The following CEP128 variants were observed in gnomAD, a reference collection of about 807,000 sequenced individuals.
CEP128 encodes centrosomal protein 128, also known as centrosomal protein 128kDa.
In CEP128, 132 loss-of-function variants were observed where a neutral mutation model predicts 156.7. The ratio of observed to expected loss-of-function variants is 0.84; its 90% CI spans 0.73 to 0.97. The LOEUF is 0.97. Ranked by LOEUF, CEP128 falls within the 50% of genes least tolerant of loss-of-function variation. The pLI, the probability that CEP128 is intolerant of heterozygous loss-of-function variation, is 0.00. For missense variants in CEP128, 1,252 were observed against 1,281.9 expected (o/e 0.98, Z 0.36); for synonymous variants, 469 against 448.9 (o/e 1.04, Z -0.57).
chr14:80,883,057 T>G (rs992043834), intron 8 of CEP128, among the ~76,000 whole-genome samples: 2 of 152,196 alleles, frequency 1.3e-5, no homozygotes, highest in Non-Finnish European at 2.9e-5. Flanking sequence ...ATAATTGGAT[T>G]GTTTGTAACA....
chr14:80,755,365 C>A (rs974954718), intron 18 of CEP128, among the ~76,000 whole-genome samples: 2 of 152,138 alleles, frequency 1.3e-5, no homozygotes, highest in Admixed American at 6.5e-5. Flanking sequence ...CACTGGAGAA[C>A]CCTGACTAAT....
intron 23 of CEP128, among the ~76,000 whole-genome samples, chr14:80,519,825 T>G (rs1458733440): frequency 1.3e-5 from 2 of 151,226 alleles, no homozygotes; most frequent in Non-Finnish European, 3.0e-5. Flanking sequence ...AATTTAGCAC[T>G]GTGCCATCTA....
intron 19 of CEP128, among the ~76,000 whole-genome samples, chr14:80,689,290 CAAAAAAA>C (rs57054840): frequency 1.3e-4 from 13 of 96,644 alleles, no homozygotes; most frequent in African/African-American, 4.4e-4. Flanking sequence ...GACTCCGTCT[CAAAAAAA>C]AAAAAAAAAA....
intron 13 of CEP128, among the ~76,000 whole-genome samples, chr14:80,798,600 T>C (rs1478081490): frequency 6.6e-6 from 1 of 152,240 alleles, no homozygotes; most frequent in Non-Finnish European, 1.5e-5. Context: ...ATATTTTTTG[T>C]AGTCTAGACA....
intron 11 of CEP128, among the ~76,000 whole-genome samples, chr14:80,837,578 G>A (rs1886145467): frequency 6.6e-6 from 1 of 152,166 alleles, no homozygotes; most frequent in Non-Finnish European, 1.5e-5. Flanking sequence ...TTAGCCAGGT[G>A]TGGTGGCGCA....
chr14:80,586,795 A>C (rs1197608292), intron 19 of CEP128, among the ~76,000 whole-genome samples: 1 of 152,220 alleles, frequency 6.6e-6, no homozygotes, highest in Non-Finnish European at 1.5e-5. Flanking sequence ...AGATTTCACA[A>C]AATCAAACAG....
chr14:80,508,705 C>T (rs4903922), intron 23 of CEP128, among the ~76,000 whole-genome samples: 118,656 of 152,122 alleles, frequency 0.78, 48,639 homozygotes, highest in Middle Eastern at 0.9. Flanking sequence ...TTCATTTCAG[C>T]TGAAAAATTT....
chr14:80,671,854 G>T (rs1217312543), intron 19 of CEP128, among the ~76,000 whole-genome samples: 2 of 149,254 alleles, frequency 1.3e-5, no homozygotes, highest in Non-Finnish European at 3.0e-5. Flanking sequence ...TCTCCTTCTT[G>T]GGTTTTTTGT....
At chr14:80,669,621 C>A (rs1451628183) in intron 19 of CEP128, among the ~76,000 whole-genome samples, 1 of 152,184 alleles carries the variant, frequency 6.6e-6, no homozygotes, top group Non-Finnish European at 1.5e-5. Flanking sequence ...AACATACCAT[C>A]TTACAGTAGT....
At chr14:80,748,413 T>C (rs777579729) in intron 18 of CEP128, among the ~76,000 whole-genome samples, 2 of 152,224 alleles carry the variant, frequency 1.3e-5, no homozygotes, top group Non-Finnish European at 2.9e-5. Context: ...TAAGATGGTA[T>C]ACCACCATCC....
At chr14:80,572,389 A>T (rs1891177887) in intron 20 of CEP128, among the ~76,000 whole-genome samples, 1 of 152,188 alleles carries the variant, frequency 6.6e-6, no homozygotes, top group African/African-American at 2.4e-5. Context: ...TTTATTTCCA[A>T]ATCTGTTGCA....
chr14:80,874,238 C>A (rs1462872811), intron 8 of CEP128, among the ~76,000 whole-genome samples: 4 of 152,024 alleles, frequency 2.6e-5, no homozygotes, highest in Non-Finnish European at 5.9e-5. Flanking sequence ...CTGAGGCAGG[C>A]TGACCATCTG....
chr14:80,772,045 A>G (rs1463324407), intron 16 of CEP128, among the ~76,000 whole-genome samples: 3 of 152,182 alleles, frequency 2.0e-5, no homozygotes, highest in Non-Finnish European at 2.9e-5. Flanking sequence ...TAACACTGAT[A>G]CCAAATGTTT....
At chr14:80,583,592 G>A (rs1311648648) in intron 19 of CEP128, among the ~76,000 whole-genome samples, 1 of 152,086 alleles carries the variant, frequency 6.6e-6, no homozygotes, top group Non-Finnish European at 1.5e-5. Flanking sequence ...ATATTAGCCT[G>A]GTGTTTCGAA....
At chr14:80,852,888 T>C (rs1207820191) in intron 9 of CEP128, among the ~76,000 whole-genome samples, 1 of 151,392 alleles carries the variant, frequency 6.6e-6, no homozygotes, top group Non-Finnish European at 1.5e-5. Context: ...TAAACACAAA[T>C]ATAAAAATCC....
intron 13 of CEP128, among the ~76,000 whole-genome samples, chr14:80,825,544 T>C (rs1157629938): frequency 6.6e-6 from 1 of 152,186 alleles, no homozygotes; most frequent in African/African-American, 2.4e-5. Context: ...GTATTAGCAA[T>C]AAATACAAAC....
At chr14:80,614,230 A>G (rs1332228409) in intron 19 of CEP128, among the ~76,000 whole-genome samples, 1 of 152,216 alleles carries the variant, frequency 6.6e-6, no homozygotes. Flanking sequence ...ATTACAGCTC[A>G]TTTTGTTTCA....
intron 19 of CEP128, among the ~76,000 whole-genome samples, chr14:80,652,490 A>T (rs953423058): frequency 6.6e-6 from 1 of 152,174 alleles, no homozygotes; most frequent in East Asian, 1.9e-4. Flanking sequence ...ACTTAAATAA[A>T]TTTACAAGAA....
chr14:80,906,186 C>G, intron 4 of CEP128, 105 bp from the exon 5 acceptor site: 4 of 867,190 alleles, frequency 4.6e-6, no homozygotes, highest in South Asian at 6.0e-5. Context: ...TCTGGGTTCC[C>G]CCCAAAAAAA....
Sources: allele counts gnomAD v4.1 joint callset (sites outside exome capture counted in the v4.1 genomes callset), GRCh38; gene constraint gnomAD v4.1.1; transcripts MANE v1.5; gene names NCBI Gene and HGNC (gene_info 2026-07-23, HGNC 2026-07-21).